Variants in ITPR3 observed in about 807,000 individuals in gnomAD.
The protein encoded by ITPR3 is inositol 1,4,5-trisphosphate receptor type 3, also known as inositol 1,4,5-trisphosphate-gated calcium channel ITPR3.
Under a neutral mutation model 293.2 loss-of-function variants are expected in ITPR3, and 173 were observed. The observed-to-expected ratio is 0.59, with a 90% CI of 0.52 to 0.67. The LOEUF is 0.67. Among genes scored for constraint, ITPR3 ranks in the 30% least tolerant of loss-of-function variants. The pLI, the probability that ITPR3 is intolerant of heterozygous loss-of-function variation, is 0.00. For synonymous variants in ITPR3, 1,295 were observed against 1,444.4 expected, an observed-to-expected ratio of 0.90 and a Z score of 2.35; for missense variants, 2,796 against 3,592.1, an observed-to-expected ratio of 0.78 and a Z score of 5.66.
intron 57 of ITPR3, 87 bp downstream of exon 57, chr6:33,695,172 T>G: frequency 7.0e-7 from 1 of 1,422,376 alleles, no homozygotes; most frequent in Non-Finnish European, 9.7e-7. Context: ...ACCCACCCTC[T>G]TCCCCACTGG....
chr6:33,658,816 C>T lies in ITPR3; in HGVS notation c.516C>T (p.Ser172=). 6.2e-7 allele frequency: 1 copy of T among 1,614,108 alleles called. No homozygotes were observed. Among genetic ancestry groups the T allele is most frequent in the South Asian group, 1.1e-5 (1 of 91,074 alleles). ...LFIQPFWKLR[S]NGDNVVVGDK... is the part of the protein sequence containing the mutation. ...TCCAGCCCTTCTGGAAGCTGCGGAG[C>T]AACGGGGACAACGTGAGGGCAGGGC... The change falls in exon 5 of 58, where the codon AGC becomes AGT. Residue 172 remains serine (S), a synonymous_variant. Transcript: ENST00000605930. The surrounding 1 kb of genome is among the most constrained non-coding windows in gnomAD (Gnocchi z 6.1).
rs918845744 is a variant in ITPR3 at position 33,692,146 on chromosome 6, T to C, written c.7458+218T>C. ...CCTCCCATTCCATAAGGAAAGACTT[T>C]GGCAACCAAACTTTGCCCCAGGGCT... On this transcript the variant is annotated intron_variant, in intron 54 of 57. Coordinates refer to ENST00000605930, the MANE Select transcript of ITPR3 (RefSeq NM_002224.4). The surrounding 1 kb of genome is among the most constrained non-coding windows in gnomAD (Gnocchi z 4.2). Among the ~76,000 whole-genome samples the C allele has an allele frequency of 6.6e-5, 10 of 152,234 alleles. No individual in the cohort carries two copies. The highest frequency in any genetic ancestry group is 1.0e-4 in the Non-Finnish European group (7 of 68,040).
chr6:33,674,788 G>A (rs948661209), intron 24 of ITPR3, among the ~76,000 whole-genome samples: 1 of 152,222 alleles, frequency 6.6e-6, no homozygotes, highest in Non-Finnish European at 1.5e-5. Context: ...CAAAATATTG[G>A]AGAAAACAAA....
rs761014899 is a variant in ITPR3 at position 33,694,016 on chromosome 6, G to A, written c.7785+311G>A. Among the ~76,000 whole-genome samples, 9 of 152,304 alleles carry A rather than the reference G, an allele frequency of 5.9e-5. No homozygotes were observed. The South Asian group carries it at 1.7e-3, about 28-fold the overall frequency. On this transcript the variant is annotated intron_variant, in intron 56 of 57. Transcript: ENST00000605930. The stretch of plus-strand genomic sequence containing the variant: ...ATCCCACAGCAAACCCATGCGCCCC[G>A]AAGAACACGTGTGGTATCCCTGGGC...
In ITPR3 at chr6:33,687,740, G is replaced by A. The variant is rs1407803451; in HGVS notation, c.6264+176G>A. Among the ~76,000 whole-genome samples, 2 of 152,164 alleles carry A rather than the reference G, an allele frequency of 1.3e-5. No homozygotes were observed. Among genetic ancestry groups the A allele is most frequent in the African/African-American group, 4.8e-5 (2 of 41,434 alleles). On this transcript the variant is annotated intron_variant, in intron 46 of 57. Coordinates refer to ENST00000605930, the MANE Select transcript of ITPR3 (RefSeq NM_002224.4). This position sits in a 1 kb window ranked among gnomAD's most constrained non-coding sequence, Gnocchi z 5.3. ...GGCAGCCGTGGGTGAAACCCAGACAGAAATGGAAGCAAGGCTCAGGTGGGT... is the reference window on the plus strand; with the variant it reads ...GGCAGCCGTGGGTGAAACCCAGACAAAAATGGAAGCAAGGCTCAGGTGGGT...
chr6:33,683,505 C>A lies in ITPR3; in HGVS notation c.4788+108C>A. The A allele has an allele frequency of 1.0e-6, 1 of 961,812 alleles. No homozygotes were observed. Among genetic ancestry groups the A allele is most frequent in the Non-Finnish European group, 1.5e-6 (1 of 671,024 alleles). The allele number at this position is 961,812 out of a possible 1,614,324, so 59.6% of individuals were successfully genotyped here. Reference sequence around the variant, plus strand: ...CGGGGAGTGTTTCTTCCTGTCCTGCCCACACTTCCAGGAAGGGGCTGGTTG... The same window carrying A: ...CGGGGAGTGTTTCTTCCTGTCCTGCACACACTTCCAGGAAGGGGCTGGTTG... On this transcript the variant is annotated intron_variant, in intron 35 of 57. Transcript: ENST00000605930. The surrounding 1 kb of genome is among the most constrained non-coding windows in gnomAD (Gnocchi z 4.5).
chr6:33,664,899 G>T lies in ITPR3; in HGVS notation c.1178G>T (p.Cys393Phe). ...RNSYVRLRHL[C>F]TNTWIQSTNV... ...TCGTACGTCCGGCTGCGGCACCTCT[G>T]CACCAACACGTGGATTCAGAGCACC... The change falls in exon 12 of 58, where the codon TGC (cysteine) becomes TTC (phenylalanine). Residue 393 changes from cysteine to phenylalanine, a missense_variant. By Grantham distance (205) the Cys-to-Phe change is radical (BLOSUM62 -2). Around this residue, in one of 8 missense-constraint regions of ITPR3, gnomAD observed 955 missense variants for 1,180.8 expected, o/e 0.81. Transcript: ENST00000605930. The surrounding 1 kb of genome is among the most constrained non-coding windows in gnomAD (Gnocchi z 4.4). The T allele has an allele frequency of 5.0e-6, 8 of 1,608,156 alleles. No individual in the cohort carries two copies. Among genetic ancestry groups the T allele is most frequent in the Non-Finnish European group, 6.8e-6 (8 of 1,176,956 alleles).
rs1011153905 is a variant in ITPR3 at position 33,658,895 on chromosome 6, T to C, written c.528+67T>C. The C allele has an allele frequency of 3.7e-6, 6 of 1,603,498 alleles. No homozygotes were observed. Among genetic ancestry groups the C allele is most frequent in the Non-Finnish European group, 5.1e-6 (6 of 1,172,628 alleles). On this transcript the variant is annotated intron_variant, in intron 5 of 57. Transcript: ENST00000605930. This position sits in a 1 kb window ranked among gnomAD's most constrained non-coding sequence, Gnocchi z 6.1. ...CGAGGGGCTTCTGTAGGGTCTTCGG[T>C]GTGGGGACTGGATAAGGGCATGCCC...
intron 22 of ITPR3, among the ~76,000 whole-genome samples, chr6:33,673,211 G>A (rs995982621): frequency 6.6e-6 from 1 of 152,216 alleles, no homozygotes; most frequent in African/African-American, 2.4e-5. Flanking sequence ...CTGTTTGGCT[G>A]AGCAGGATAG....
chr6:33,658,266 G>A lies in ITPR3; in HGVS notation c.369+248G>A, dbSNP rs1438405600. Among the ~76,000 whole-genome samples the A allele has an allele frequency of 6.6e-6, 1 of 152,256 alleles. No individual in the cohort carries two copies. On this transcript the variant is annotated intron_variant, in intron 4 of 57. Coordinates refer to ENST00000605930, the MANE Select transcript of ITPR3 (RefSeq NM_002224.4). The surrounding 1 kb of genome is among the most constrained non-coding windows in gnomAD (Gnocchi z 6.1). ...CCATCAGCATGGAGTCTGGAGCCACGTTGTCTGGATTCAAATCTTGGCTCT... is the reference window on the plus strand; with the variant it reads ...CCATCAGCATGGAGTCTGGAGCCACATTGTCTGGATTCAAATCTTGGCTCT...
At position 33,685,329 on chromosome 6, in the gene ITPR3, G is replaced by C. The variant is rs372742830; in HGVS notation, c.5308-30G>C. 1.8e-5 allele frequency: 28 copies of C among 1,593,102 alleles called. 1 individual carries two copies. The highest frequency in any genetic ancestry group is 1.2e-4 in the African/African-American group (9 of 74,626). On this transcript the variant is annotated intron_variant, in intron 39 of 57. Transcript: ENST00000605930. ...GAGTAGGAGCAGGGCCCAGTGCTGAGGTTGTTCCCTGGCCACTGTCCACCT... is the reference window on the plus strand; with the variant it reads ...GAGTAGGAGCAGGGCCCAGTGCTGACGTTGTTCCCTGGCCACTGTCCACCT...
intron 2 of ITPR3, 104 bp downstream of exon 2, chr6:33,640,658 T>C: frequency 1.0e-6 from 1 of 962,374 alleles, no homozygotes; most frequent in South Asian, 1.6e-5. Flanking sequence ...CTGGATTAGA[T>C]GTGGCGCTGC....
intron 13 of ITPR3, 133 bp downstream of exon 13, chr6:33,665,346 C>T (rs889320389): frequency 1.7e-6 from 2 of 1,174,754 alleles, no homozygotes; most frequent in Non-Finnish European, 2.4e-6. Context: ...CTGTGGGGCC[C>T]TGGCTGAGCC....
At position 33,693,632 on chromosome 6, in the gene ITPR3, T is replaced by TC; in HGVS notation, c.7713dup (p.Ile2572HisfsTer16). On this transcript the variant is annotated frameshift_variant, in exon 56 of 58. Coordinates refer to ENST00000605930, the MANE Select transcript of ITPR3 (RefSeq NM_002224.4). LOFTEE classifies it high-confidence loss of function. ...CACAACATGTGGAACTACTTGTACTTCATTGTGCTGGTCCGCGTGAAGAAC... is the reference window on the plus strand; with the variant it reads ...CACAACATGTGGAACTACTTGTACTTCCATTGTGCTGGTCCGCGTGAAGAAC... 6.2e-7 allele frequency: 1 copy of TC among 1,614,186 alleles called. No individual in the cohort carries two copies. The highest frequency in any genetic ancestry group is 8.5e-7 in the Non-Finnish European group (1 of 1,180,020).
chr6:33,645,491 T>C (rs1229252948), intron 2 of ITPR3, among the ~76,000 whole-genome samples: 1 of 152,242 alleles, frequency 6.6e-6, no homozygotes, highest in Admixed American at 6.5e-5. Flanking sequence ...CTCCTGTTGA[T>C]GGACTTTCAG....
chr6:33,688,887 A>T, intron 49 of ITPR3, 106 bp downstream of exon 49: 1 of 1,453,636 alleles, frequency 6.9e-7, no homozygotes, highest in Non-Finnish European at 9.6e-7. Flanking sequence ...CACCAGATGC[A>T]GAGTGTGCAG....
In ITPR3 at chr6:33,655,519, C is replaced by T. The variant is rs746634994; in HGVS notation, c.161-247C>T. Among the ~76,000 whole-genome samples, 25 of 152,302 alleles carry T rather than the reference C, an allele frequency of 1.6e-4. 1 individual carries two copies. Among genetic ancestry groups the T allele is most frequent in the South Asian group, 1.0e-3 (5 of 4,828 alleles). ...GTAAATCTCCTAGGGGAAGAGGGCA[C>T]GTGTCCACCCCACCAAGTGAGATGC... On this transcript the variant is annotated intron_variant, in intron 2 of 57. Transcript: ENST00000605930. The surrounding 1 kb of genome is among the most constrained non-coding windows in gnomAD (Gnocchi z 4.9).
chr6:33,670,536 C>T lies in ITPR3; in HGVS notation c.2401C>T (p.Arg801Cys), dbSNP rs147317574. 3.8e-6 allele frequency: 6 copies of T among 1,599,668 alleles called. No individual in the cohort carries two copies. Among genetic ancestry groups the T allele is most frequent in the Admixed American group, 1.7e-5 (1 of 59,424 alleles). The change falls in exon 19 of 58, where the codon CGT becomes TGT. Residue 801 changes from arginine to cysteine, a missense_variant. Around this residue, in one of 8 missense-constraint regions of ITPR3, gnomAD observed 955 missense variants for 1,180.8 expected, o/e 0.81. Coordinates refer to ENST00000605930, the MANE Select transcript of ITPR3 (RefSeq NM_002224.4). This position sits in a 1 kb window ranked among gnomAD's most constrained non-coding sequence, Gnocchi z 6.7. Reference protein sequence around the residue: ...QELVTPVKFARLWTEIPTAIT... With the variant: ...QELVTPVKFACLWTEIPTAIT... ...GCTGGTCACGCCGGTCAAGTTTGCC[C>T]GTCTCTGGACTGAGATCCCCACAGC... is the stretch of plus-strand genomic sequence containing the variant.
intron 56 of ITPR3, among the ~76,000 whole-genome samples, 171 bp downstream of exon 56, chr6:33,693,876 GCAGA>G (rs926959885): frequency 2.0e-5 from 3 of 152,246 alleles, no homozygotes; most frequent in African/African-American, 7.2e-5. Flanking sequence ...TCGGACAGCT[GCAGA>G]CACTTGTTGA....
Sources: gnomAD v4.1 joint callset for allele counts (sites outside exome capture counted in the v4.1 genomes callset) on GRCh38, gnomAD v4.1.1 for gene constraint, gnomAD v4.1.1 regional missense constraint, Gnocchi (gnomAD v3.1) non-coding constraint, MANE v1.5 for transcripts, NCBI Gene and HGNC (gene_info 2026-07-23, HGNC 2026-07-21) for gene names.